The following AK8 variants were observed in gnomAD, a reference collection of about 807,000 sequenced individuals.
The protein encoded by AK8 is adenylate kinase 8.
A neutral mutation model predicts 54.6 loss-of-function variants in AK8; 44 were observed. The observed-to-expected ratio is 0.81, with a 90% CI of 0.63 to 1.04. The LOEUF (loss-of-function observed/expected upper bound fraction) is 1.04, where lower values mean the gene tolerates loss of function less well. Ranked by LOEUF, AK8 falls within the 50% of genes least tolerant of loss-of-function variation. The pLI, the probability that AK8 is intolerant of heterozygous loss-of-function variation, is 0.00. For synonymous variants in AK8, 239 were observed against 245.6 expected, an observed-to-expected ratio of 0.97 and a Z score of 0.25; for missense variants, 555 against 613.6, an observed-to-expected ratio of 0.90 and a Z score of 1.01.
intron 12 of AK8, among the ~76,000 whole-genome samples, chr9:132,726,537 G>T (rs1836582854): frequency 6.6e-6 from 1 of 152,148 alleles, no homozygotes. Context: ...CAAAGTGCTG[G>T]GATTACAGGC....
intron 7 of AK8, among the ~76,000 whole-genome samples, chr9:132,827,595 G>A (rs1176044735): frequency 4.0e-5 from 6 of 149,748 alleles, no homozygotes; most frequent in South Asian, 2.2e-4. Flanking sequence ...CAAGGGCCCC[G>A]TCCCCTGCAA....
intron 5 of AK8, among the ~76,000 whole-genome samples, chr9:132,852,639 G>A (rs796093224): frequency 1.3e-5 from 2 of 150,688 alleles, no homozygotes; most frequent in African/African-American, 4.9e-5. Context: ...GCACGGTGGT[G>A]TATGCCTGTA....
rs1047359984 is a variant in AK8, at chr9:132,821,559, G to T, written c.889+1646C>A. ...GTTCAGGTCTCTATCTTCATTTTAG[G>T]TGTGTGACTTTTGTCATGGATTCCT... On this transcript the variant is annotated intron_variant, in intron 9 of 12. Transcript: ENST00000298545. 2.6e-5 allele frequency among the ~76,000 whole-genome samples: 4 copies of T among 151,816 alleles called. 1 individual carries two copies. Among genetic ancestry groups the T allele is most frequent in the African/African-American group, 9.7e-5 (4 of 41,310 alleles).
At chr9:132,768,870 G>A (rs1165482841) in intron 11 of AK8, 1 of 152,174 alleles carries the variant, frequency 6.6e-6, no homozygotes, top group Non-Finnish European at 1.5e-5. Context: ...GCAAGTTACA[G>A]AAGGATATAT....
intron 11 of AK8, among the ~76,000 whole-genome samples, chr9:132,748,214 A>G (rs1458977967): frequency 6.6e-6 from 1 of 151,760 alleles, no homozygotes; most frequent in African/African-American, 2.4e-5. Flanking sequence ...CACGTAGATA[A>G]CCGTAAGACT....
intron 5 of AK8, among the ~76,000 whole-genome samples, chr9:132,834,836 G>A (rs1271680595): frequency 6.6e-6 from 1 of 151,264 alleles, no homozygotes; most frequent in Admixed American, 6.6e-5. Context: ...ATGAAAACCT[G>A]GTAAAGCCCA....
At position 132,854,852 on chromosome 9, in the gene AK8, C is replaced by A. The variant is rs995079167; in HGVS notation, c.402+5G>T. ...ACTGAAACCCCTAGCTCACTGGAGT[C>A]TTACCTGCTTGATGCAATCCTCTTC... On this transcript the variant is annotated splice_donor_5th_base_variant and intron_variant, in intron 5 of 12. Transcript: ENST00000298545. 3.1e-6 allele frequency: 5 copies of A among 1,613,982 alleles called. No individual in the cohort carries two copies. Among genetic ancestry groups the A allele is most frequent in the Non-Finnish European group, 3.4e-6 (4 of 1,180,034 alleles).
intron 11 of AK8, among the ~76,000 whole-genome samples, chr9:132,765,603 G>GAT (rs1838694470): frequency 6.6e-6 from 1 of 152,144 alleles, no homozygotes; most frequent in Non-Finnish European, 1.5e-5. Context: ...AACATAGCAA[G>GAT]ATGAGACCCT....
At chr9:132,753,092 C>G (rs1249525203) in intron 11 of AK8, among the ~76,000 whole-genome samples, 1 of 152,228 alleles carries the variant, frequency 6.6e-6, no homozygotes, top group Non-Finnish European at 1.5e-5. Context: ...GCAGCTGCCA[C>G]AACTGGGCTC....
At chr9:132,743,094 G>A (rs1837470855) in intron 11 of AK8, among the ~76,000 whole-genome samples, 1 of 152,234 alleles carries the variant, frequency 6.6e-6, no homozygotes, top group Non-Finnish European at 1.5e-5. Flanking sequence ...GCTCCCCGGG[G>A]CTGTGCTGTG....
intron 4 of AK8, 125 bp from the exon 5 acceptor site, chr9:132,855,050 G>A (rs898823603): frequency 2.2e-5 from 20 of 910,074 alleles, no homozygotes; most frequent in South Asian, 5.7e-5. Context: ...ATCGGGCCCC[G>A]CCCTTCCTCC....
In AK8 at chr9:132,868,481, C is replaced by T. The variant is rs969815922; in HGVS notation, c.170-1528G>A. ...CCTGTCATTTCCCATCAGGAATGTC[C>T]TCCCTTCCCAGCACCCAGCACCCCC... On this transcript the variant is annotated intron_variant, in intron 2 of 12. Transcript: ENST00000298545. 3.3e-5 allele frequency among the ~76,000 whole-genome samples: 5 copies of T among 152,284 alleles called. 1 individual carries two copies. Among genetic ancestry groups the T allele is most frequent in the East Asian group, 1.9e-4 (1 of 5,180 alleles).
At position 132,727,528 on chromosome 9, in the gene AK8, A is replaced by T. The variant is rs1836633875; in HGVS notation, c.1128T>A (p.Phe376Leu). The change falls in exon 12 of 13, where the codon TTT (phenylalanine) becomes TTA (leucine). Residue 376 changes from phenylalanine (F) to leucine (L), a missense_variant. Transcript: ENST00000298545. Reference protein sequence around the residue: ...NRLGYNPNRVFFLNVPFDSIM... With the variant: ...NRLGYNPNRVLFLNVPFDSIM... ...TGGAATCAAATGGCACATTCAGGAA[A>T]AACACCCTATAAGGAAATAAACCAT... 2 of 1,613,766 alleles carry T rather than the reference A, an allele frequency of 1.2e-6. No individual in the cohort carries two copies. The highest frequency in any genetic ancestry group is 1.6e-4 in the Middle Eastern group (1 of 6,062).
chr9:132,870,680 G>T (rs888946911), intron 2 of AK8, among the ~76,000 whole-genome samples: 11 of 152,356 alleles, frequency 7.2e-5, no homozygotes, highest in African/African-American at 2.4e-4. Flanking sequence ...ACCGGGATGA[G>T]TCCGGGGCCT....
chr9:132,768,644 T>C (rs1007520706), intron 11 of AK8, among the ~76,000 whole-genome samples: 1 of 152,184 alleles, frequency 6.6e-6, no homozygotes, highest in Non-Finnish European at 1.5e-5. Flanking sequence ...TCAAAACATA[T>C]GCAAAAACAA....
chr9:132,774,201 CT>C (rs1839104998), intron 11 of AK8, among the ~76,000 whole-genome samples: 1 of 152,104 alleles, frequency 6.6e-6, no homozygotes, highest in South Asian at 2.1e-4. Flanking sequence ...GCCAGCGCCC[CT>C]GGATGGACAC....
At chr9:132,828,400 T>C (rs1346280827) in intron 6 of AK8, among the ~76,000 whole-genome samples, 1 of 152,210 alleles carries the variant, frequency 6.6e-6, no homozygotes, top group Non-Finnish European at 1.5e-5. Flanking sequence ...ATGCTATGCA[T>C]AGAATATGCA....
intron 1 of AK8, 100 bp from the exon 2 acceptor site, chr9:132,875,299 C>A: frequency 2.0e-6 from 3 of 1,521,126 alleles, no homozygotes; most frequent in Admixed American, 4.1e-5. Flanking sequence ...CTGCACCCCA[C>A]CAAACATGCC....
rs769492648 is a variant in AK8 at position 132,870,614 on chromosome 9, G to A, written c.170-3661C>T. On this transcript the variant is annotated intron_variant, in intron 2 of 12. Coordinates refer to ENST00000298545, the MANE Select transcript of AK8 (RefSeq NM_152572.3). ...GTACTAAATCTGCCTTTCTGGCGGC[G>A]AAGGGGCTGCCAGCCCAAGTGCCGG... 1.5e-4 allele frequency among the ~76,000 whole-genome samples: 23 copies of A among 152,334 alleles called. 1 individual carries two copies. The highest frequency in any genetic ancestry group is 4.1e-4 in the African/African-American group (17 of 41,570).
Sources: gnomAD v4.1 joint callset for allele counts (sites outside exome capture counted in the v4.1 genomes callset) on GRCh38, gnomAD v4.1.1 for gene constraint, MANE v1.5 for transcripts, NCBI Gene and HGNC (gene_info 2026-07-23, HGNC 2026-07-21) for gene names.